CUL1: variants seen among roughly 807,000 people sequenced by gnomAD.
CUL1 encodes cullin-1.
In CUL1, 24 loss-of-function variants were observed where a neutral mutation model predicts 118.0. The observed-to-expected ratio is 0.20, with a 90% CI of 0.15 to 0.29. The LOEUF is 0.29. CUL1 is among the 10% of genes least tolerant of loss of function. The probability of loss-of-function intolerance (pLI) is 1.00; values close to 1 mark genes in which losing one functional copy is unlikely to be tolerated. For missense variants in CUL1, 361 were observed against 933.8 expected, an observed-to-expected ratio of 0.39 and a Z score of 7.99; for synonymous variants, 332 against 340.4, an observed-to-expected ratio of 0.98 and a Z score of 0.27.
Position 148,766,554 on chromosome 7 carries a change from T to C in CUL1, c.790-7T>C, listed in dbSNP as rs1417222489. On this transcript the variant is annotated splice_region_variant and splice_polypyrimidine_tract_variant and intron_variant, in intron 7 of 21. Transcript: ENST00000325222. The stretch of plus-strand genomic sequence containing the variant: ...CAAAACCATTCACTTGAATTAATTT[T>C]CTCCAGGCAGAGGCTCGTCTGCTTG... 1.3e-6 allele frequency: 2 copies of C among 1,589,794 alleles called. No homozygotes were observed. Among genetic ancestry groups the C allele is most frequent in the African/African-American group, 2.7e-5 (2 of 73,368 alleles).
chr7:148,783,803 G>C lies in CUL1; in HGVS notation c.1104G>C (p.Gln368His). The change falls in exon 10 of 22, where the codon CAG (glutamine) becomes CAC (histidine). Residue 368 changes from glutamine to histidine, a missense_variant. Coordinates refer to ENST00000325222, the MANE Select transcript of CUL1 (RefSeq NM_003592.3). ...TTAAGGACCCCAAAATGTATGTACA[G>C]ACAGTGCTTGATGTTCATAAAAAAT... ...AALNDPKMYVQTVLDVHKKYN... is the reference protein window; with the variant it reads ...AALNDPKMYVHTVLDVHKKYN... 1 of 1,614,136 alleles carries C rather than the reference G, an allele frequency of 6.2e-7. No individual in the cohort carries two copies.
chr7:148,748,775 T>A (rs978064978), intron 2 of CUL1, among the ~76,000 whole-genome samples: 8 of 152,232 alleles, frequency 5.3e-5, no homozygotes, highest in African/African-American at 7.2e-5. Flanking sequence ...TCATCACATT[T>A]TAAATAAACT....
At chr7:148,727,624 G>A (rs894061303) in intron 1 of CUL1, among the ~76,000 whole-genome samples, 3 of 152,124 alleles carry the variant, frequency 2.0e-5, no homozygotes, top group African/African-American at 4.8e-5. Context: ...AAACCTGTAC[G>A]TCTTCTGGGA....
At position 148,788,684 on chromosome 7, in the gene CUL1, C is replaced by T. The variant is rs1413622830; in HGVS notation, c.1597+10C>T. On this transcript the variant is annotated intron_variant, in intron 14 of 21. Coordinates refer to ENST00000325222, the MANE Select transcript of CUL1 (RefSeq NM_003592.3). ...TCAGAACCCCTAGACTGTGAGTATCCGTGTGTCTCTATGTTGTGTTTACAG... is the reference window on the plus strand; with the variant it reads ...TCAGAACCCCTAGACTGTGAGTATCTGTGTGTCTCTATGTTGTGTTTACAG... 5 of 1,540,034 alleles carry T rather than the reference C, an allele frequency of 3.2e-6. No individual in the cohort carries two copies. Among genetic ancestry groups the T allele is most frequent in the East Asian group, 2.2e-5 (1 of 44,604 alleles).
At chr7:148,791,638 C>T (rs1801012681) in intron 16 of CUL1, among the ~76,000 whole-genome samples, 1 of 152,232 alleles carries the variant, frequency 6.6e-6, no homozygotes, top group Non-Finnish European at 1.5e-5. Flanking sequence ...CGCTCGTTCC[C>T]TTGTATCTCT....
intron 1 of CUL1, among the ~76,000 whole-genome samples, chr7:148,709,198 A>G (rs1797974729): frequency 6.6e-6 from 1 of 152,080 alleles, no homozygotes. Flanking sequence ...CCAAAAATGC[A>G]GAGGAGGATT....
chr7:148,788,197 G>T (rs1461438756), intron 13 of CUL1, among the ~76,000 whole-genome samples: 1 of 152,214 alleles, frequency 6.6e-6, no homozygotes, highest in South Asian at 2.1e-4. Context: ...GGAGGTTTGG[G>T]CTTCAACATA....
At chr7:148,792,447 T>G (rs1801046819) in intron 16 of CUL1, among the ~76,000 whole-genome samples, 1 of 152,246 alleles carries the variant, frequency 6.6e-6, no homozygotes, top group African/African-American at 2.4e-5. Flanking sequence ...GGGACGTATC[T>G]ATAGTATGTA....
At chr7:148,751,825 T>A (rs1799500589) in intron 2 of CUL1, among the ~76,000 whole-genome samples, 1 of 152,138 alleles carries the variant, frequency 6.6e-6, no homozygotes, top group Non-Finnish European at 1.5e-5. Context: ...TTTAAAAATG[T>A]AGAACATGGC....
intron 2 of CUL1, among the ~76,000 whole-genome samples, chr7:148,742,942 AT>A (rs1799193348): frequency 6.6e-6 from 1 of 152,126 alleles, no homozygotes; most frequent in East Asian, 1.9e-4. Flanking sequence ...GAAAGTATAA[AT>A]TTCCTTTTAA....
intron 7 of CUL1, among the ~76,000 whole-genome samples, chr7:148,761,513 A>T (rs1799829546): frequency 6.6e-6 from 1 of 152,194 alleles, no homozygotes; most frequent in African/African-American, 2.4e-5. Context: ...TCTGTCTCAA[A>T]AGAAAAAGAA....
Position 148,747,089 on chromosome 7 carries a change from A to G in CUL1, c.141-6887A>G, listed in dbSNP as rs143458627. ...ATAATTGCTGTATCAAAAGGAATGCACTTGTTGAAGGCTTTTGAATATTCC... is the reference window on the plus strand; with the variant it reads ...ATAATTGCTGTATCAAAAGGAATGCGCTTGTTGAAGGCTTTTGAATATTCC... On this transcript the variant is annotated intron_variant, in intron 2 of 21. Transcript: ENST00000325222. Among the ~76,000 whole-genome samples, 878 of 152,336 alleles carry G rather than the reference A, an allele frequency of 5.8e-3. 6 individuals are homozygous for G. The highest frequency in any genetic ancestry group is 0.019 in the South Asian group (92 of 4,832).
intron 1 of CUL1, among the ~76,000 whole-genome samples, chr7:148,707,936 G>A (rs1251092316): frequency 6.6e-6 from 1 of 152,116 alleles, no homozygotes; most frequent in African/African-American, 2.4e-5. Flanking sequence ...GCATCACCAG[G>A]TCTGTTCTCC....
intron 8 of CUL1, 59 bp downstream of exon 8, chr7:148,766,782 C>A: frequency 7.0e-7 from 1 of 1,425,806 alleles, no homozygotes; most frequent in Non-Finnish European, 9.6e-7. Flanking sequence ...TTTGATATTG[C>A]TTTTGATTCT....
intron 1 of CUL1, among the ~76,000 whole-genome samples, chr7:148,708,042 G>A (rs1370298078): frequency 6.6e-6 from 1 of 152,200 alleles, no homozygotes; most frequent in Non-Finnish European, 1.5e-5. Context: ...TGAGGTTAGG[G>A]TTCTGTGCAG....
chr7:148,708,530 C>A (rs923373499), intron 1 of CUL1, among the ~76,000 whole-genome samples: 2 of 152,220 alleles, frequency 1.3e-5, no homozygotes, highest in African/African-American at 4.8e-5. Flanking sequence ...TCAGGACTTG[C>A]CTGGCTTCCT....
intron 2 of CUL1, among the ~76,000 whole-genome samples, chr7:148,741,187 C>G (rs552789747): frequency 1.3e-5 from 2 of 151,236 alleles, no homozygotes; most frequent in South Asian, 4.1e-4. Context: ...CAACTTTTTA[C>G]TATTACGAAT....
At chr7:148,715,109 C>T (rs778301059) in intron 1 of CUL1, among the ~76,000 whole-genome samples, 77 of 152,212 alleles carry the variant, frequency 5.1e-4, no homozygotes, top group Non-Finnish European at 1.0e-4. Context: ...TGCTTGTATA[C>T]TGGCTTTAGA....
Position 148,754,133 on chromosome 7 carries a change from T to C in CUL1, c.298T>C (p.Leu100=). The C allele has an allele frequency of 6.2e-7, 1 of 1,603,656 alleles. No homozygotes were observed. The highest frequency in any genetic ancestry group is 8.5e-7 in the Non-Finnish European group (1 of 1,173,756). Residue 100 remains leucine (L), a synonymous_variant, in exon 3 of 22, where the codon TTG becomes CTG. Coordinates refer to ENST00000325222, the MANE Select transcript of CUL1 (RefSeq NM_003592.3). ...ACTTAAGGAATTTTTGAAGAATTAC[T>C]TGACAAATCTTCTTAAGGTAAGATG... ...KRLKEFLKNY[L]TNLLKDGEDL... is the part of the protein sequence containing the mutation.
Sources: allele counts gnomAD v4.1 joint callset (sites outside exome capture counted in the v4.1 genomes callset), GRCh38; gene constraint gnomAD v4.1.1; transcripts MANE v1.5; gene names NCBI Gene and HGNC (gene_info 2026-07-23, HGNC 2026-07-21).